The following TMEM184B variants were observed in gnomAD, a reference collection of about 807,000 sequenced individuals.
TMEM184B encodes the protein transmembrane protein 184B, also known as putative MAPK-activating protein FM08.
Under a neutral mutation model 41.8 loss-of-function variants are expected in TMEM184B, and 17 were observed. That is an observed-to-expected ratio of 0.41 (90% confidence interval 0.28 to 0.61). The LOEUF is 0.61. Among genes scored for constraint, TMEM184B ranks in the 20% least tolerant of loss-of-function variants. TMEM184B has a pLI of 0.34. For synonymous variants in TMEM184B, 240 were observed against 229.5 expected (o/e 1.05, Z -0.41); for missense variants, 393 against 557.8 (o/e 0.70, Z 2.98).
At position 38,231,318 on chromosome 22, in the gene TMEM184B, A is replaced by G; in HGVS notation, c.375T>C (p.Asn125=). Residue 125 remains asparagine, a synonymous_variant, in exon 4 of 9, where the codon AAT becomes AAC. Coordinates refer to ENST00000361906, the MANE Select transcript of TMEM184B (RefSeq NM_012264.5). ...RDCYEALVIY[N]FLSLCYEYLG... Reference sequence around the variant, plus strand: ...GGTACTCATAGCACAGGCTCAGGAAATTATAGATGACCAAGGCTGCGAAGA... The same window carrying G: ...GGTACTCATAGCACAGGCTCAGGAAGTTATAGATGACCAAGGCTGCGAAGA... 6.2e-7 allele frequency: 1 copy of G among 1,614,188 alleles called. No homozygotes were observed. The highest frequency in any genetic ancestry group is 8.5e-7 in the Non-Finnish European group (1 of 1,180,032).
chr22:38,256,847 T>C (rs988525639), intron 1 of TMEM184B, among the ~76,000 whole-genome samples: 1 of 152,158 alleles, frequency 6.6e-6, no homozygotes, highest in Non-Finnish European at 1.5e-5. Flanking sequence ...TATTTTGAAA[T>C]AATCGTAGGT....
chr22:38,227,630 T>G (rs1011411715), intron 5 of TMEM184B, among the ~76,000 whole-genome samples: 2 of 151,932 alleles, frequency 1.3e-5, no homozygotes, highest in African/African-American at 4.8e-5. Flanking sequence ...GACTCCAGAG[T>G]CTCAAAATCT....
At position 38,254,878 on chromosome 22, in the gene TMEM184B, G is replaced by A. The variant is rs2092247932; in HGVS notation, c.-58-6859C>T. On this transcript the variant is annotated intron_variant, in intron 1 of 8. Transcript: ENST00000361906. ...TTTTTTTTTTTTTTTTTGAGACAGAGCCTTGGTCTGTCGCCCAGGCTGGAG... is the reference window on the plus strand; with the variant it reads ...TTTTTTTTTTTTTTTTTGAGACAGAACCTTGGTCTGTCGCCCAGGCTGGAG... Among the ~76,000 whole-genome samples, 3 of 146,008 alleles carry A rather than the reference G, an allele frequency of 2.1e-5. No individual in the cohort carries two copies. The South Asian group carries it at 6.5e-4, about 32-fold the overall frequency.
At chr22:38,262,443 G>A (rs2092385215) in intron 1 of TMEM184B, among the ~76,000 whole-genome samples, 1 of 152,212 alleles carries the variant, frequency 6.6e-6, no homozygotes, top group African/African-American at 2.4e-5. Flanking sequence ...GCAGGCAAAG[G>A]GAACTATATG....
intron 3 of TMEM184B, among the ~76,000 whole-genome samples, chr22:38,241,264 G>T (rs1018429075): frequency 2.6e-5 from 4 of 152,202 alleles, no homozygotes; most frequent in African/African-American, 9.7e-5. Flanking sequence ...TGGTTGGTTG[G>T]TTTGTTTTGT....
In TMEM184B at chr22:38,226,906, G is replaced by A; in HGVS notation, c.526-36C>T. On this transcript the variant is annotated intron_variant, in intron 5 of 8. Transcript: ENST00000361906. The surrounding 1 kb of genome is among the most constrained non-coding windows in gnomAD (Gnocchi z 4.6). ...GAAAAGGAGGTTGAGTGTGGAGGAG[G>A]AGCACAGAAGGCATGAAGCAAGCCC... 1 of 1,546,548 alleles carries A rather than the reference G, an allele frequency of 6.5e-7. No homozygotes were observed. The highest frequency in any genetic ancestry group is 1.2e-5 in the South Asian group (1 of 84,516).
chr22:38,219,117 C>T (rs1417464916), downstream of TMEM184B, among the ~76,000 whole-genome samples: 1 of 152,182 alleles, frequency 6.6e-6, no homozygotes, highest in Non-Finnish European at 1.5e-5. Flanking sequence ...ACCCTTTGTC[C>T]AAGGGGGGCC....
chr22:38,224,396 G>A (rs1391359543), intron 8 of TMEM184B, among the ~76,000 whole-genome samples: 1 of 152,200 alleles, frequency 6.6e-6, no homozygotes, highest in African/African-American at 2.4e-5. Flanking sequence ...TTATAGGCGT[G>A]AGCCACCGTG....
Position 38,220,365 on chromosome 22 carries a change from C to T in TMEM184B, c.*1104G>A. ...ACAGATGGGGAGCCAGGGAGGGGCG[C>T]TTTCATATGTGACTAAGGCACAGAA... On this transcript the variant is annotated 3_prime_UTR_variant, in exon 9 of 9. Transcript: ENST00000361906. The T allele has an allele frequency of 9.1e-6, 9 of 986,168 alleles. No individual in the cohort carries two copies. The highest frequency in any genetic ancestry group is 1.1e-5 in the Non-Finnish European group (9 of 830,230). 61.1% of individuals were successfully genotyped at this position (986,168 alleles called of 1,614,324 possible). A position where few individuals can be genotyped will look rare whatever the true frequency, so the allele number is the denominator to read the frequency against.
intron 1 of TMEM184B, among the ~76,000 whole-genome samples, chr22:38,258,460 C>G (rs777354667): frequency 6.6e-6 from 1 of 151,954 alleles, no homozygotes. Context: ...GCCACATGCC[C>G]GGCTAATTTT....
intron 1 of TMEM184B, among the ~76,000 whole-genome samples, chr22:38,262,214 C>T (rs530718903): frequency 5.7e-4 from 87 of 152,314 alleles, no homozygotes; most frequent in African/African-American, 1.8e-3. Flanking sequence ...AGGCACCACG[C>T]GAAAGTGCCA....
At chr22:38,244,460 CT>C (rs561655176) in intron 3 of TMEM184B, among the ~76,000 whole-genome samples, 356 of 142,766 alleles carry the variant, frequency 2.5e-3, no homozygotes, top group Middle Eastern at 3.6e-3. Flanking sequence ...ATGTAGGGGT[CT>C]TTTTTTTTTT....
At position 38,246,238 on chromosome 22, in the gene TMEM184B, T is replaced by C. The variant is rs1873231039; in HGVS notation, c.193-138A>G. ...ACCCCTGAGCCTCAGAGCCCTGCTC[T>C]GCAAAATGCGGGATGACAGGACTTG... is the stretch of plus-strand genomic sequence containing the variant. On this transcript the variant is annotated intron_variant, in intron 2 of 8. Coordinates refer to ENST00000361906, the MANE Select transcript of TMEM184B (RefSeq NM_012264.5). 2.8e-6 allele frequency: 3 copies of C among 1,089,268 alleles called. No homozygotes were observed. In the Admixed American group the frequency reaches 8.1e-5, roughly 29 times the overall value. The allele number at this position is 1,089,268 out of a possible 1,614,324, so 67.5% of individuals were successfully genotyped here.
chr22:38,250,032 G>A (rs2092127139), intron 1 of TMEM184B, among the ~76,000 whole-genome samples: 1 of 152,260 alleles, frequency 6.6e-6, no homozygotes, highest in African/African-American at 2.4e-5. Flanking sequence ...TGAGCTCAGA[G>A]AATGAGCGAA....
In TMEM184B at chr22:38,231,608, AG is replaced by A; in HGVS notation, c.359-275del. 3 of 575,142 alleles carry A rather than the reference AG, an allele frequency of 5.2e-6. No homozygotes were observed. The South Asian group carries it at 5.6e-5, about 11-fold the overall frequency. The allele number at this position is 575,142 out of a possible 1,614,324, so 35.6% of individuals were successfully genotyped here. A position where few individuals can be genotyped will look rare whatever the true frequency, so the allele number is the denominator to read the frequency against. On this transcript the variant is annotated intron_variant, in intron 3 of 8. Coordinates refer to ENST00000361906, the MANE Select transcript of TMEM184B (RefSeq NM_012264.5). Reference sequence around the variant, plus strand: ...ACTATGAAGGGACTGTCGTGAGTTCAGGGTTATGTGGGGAGGCCAGAGGAGG... The same window carrying A: ...ACTATGAAGGGACTGTCGTGAGTTCAGGTTATGTGGGGAGGCCAGAGGAGG...
chr22:38,272,377 C>T (rs1277604217), intron 1 of TMEM184B: 1 of 743,186 alleles, frequency 1.3e-6, no homozygotes, highest in East Asian at 1.3e-4. Flanking sequence ...CCTTCCAAAC[C>T]TGCGGACCTG....
chr22:38,267,435 CT>C (rs973916120), intron 1 of TMEM184B, among the ~76,000 whole-genome samples: 778 of 139,856 alleles, frequency 5.6e-3, no homozygotes, highest in African/African-American at 7.5e-3. Flanking sequence ...CCCCTAATAT[CT>C]TTTTTTTTTT....
At position 38,234,292 on chromosome 22, in the gene TMEM184B, G is replaced by A. The variant is rs556248297; in HGVS notation, c.359-2958C>T. ...CAGTCACCATGCAGCGGGGAAGCAC[G>A]AGCTAGCCTTTGGAGACACCGCACA... On this transcript the variant is annotated intron_variant, in intron 3 of 8. Coordinates refer to ENST00000361906, the MANE Select transcript of TMEM184B (RefSeq NM_012264.5). Among the ~76,000 whole-genome samples, 11 of 152,228 alleles carry A rather than the reference G, an allele frequency of 7.2e-5. No individual in the cohort carries two copies. The East Asian group carries it at 9.7e-4, about 13-fold the overall frequency.
intron 1 of TMEM184B, among the ~76,000 whole-genome samples, chr22:38,254,350 A>G (rs2092236350): frequency 6.6e-6 from 1 of 152,180 alleles, no homozygotes; most frequent in African/African-American, 2.4e-5. Flanking sequence ...CTGTAATCCC[A>G]AAACTTTGAG....
Sources: gnomAD v4.1 joint callset for allele counts (sites outside exome capture counted in the v4.1 genomes callset) on GRCh38, gnomAD v4.1.1 for gene constraint, Gnocchi (gnomAD v3.1) non-coding constraint, MANE v1.5 for transcripts, NCBI Gene and HGNC (gene_info 2026-07-23, HGNC 2026-07-21) for gene names.